Variants in STK39 observed in about 807,000 individuals in gnomAD.
STK39 encodes STE20/SPS1-related proline-alanine-rich protein kinase.
Under a neutral mutation model 77.8 loss-of-function variants are expected in STK39, and 20 were observed. That is an observed-to-expected ratio of 0.26 (90% CI 0.18 to 0.37). The LOEUF is 0.37. Among genes scored for constraint, STK39 ranks in the 10% least tolerant of loss-of-function variants. The pLI, the probability that STK39 is intolerant of heterozygous loss-of-function variation, is 1.00. For synonymous variants in STK39, 246 were observed against 234.1 expected (o/e 1.05, Z -0.47); for missense variants, 479 against 656.5 (o/e 0.73, Z 2.95).
rs1344981491 is a variant in STK39 at position 168,247,570 on chromosome 2, C to T, written c.-135G>A. 7 of 718,502 alleles carry T rather than the reference C, an allele frequency of 9.7e-6. No homozygotes were observed. Among genetic ancestry groups the T allele is most frequent in the South Asian group, 4.4e-5 (1 of 22,872 alleles). 44.5% of individuals were successfully genotyped at this position (718,502 alleles called of 1,614,324 possible). On this transcript the variant is annotated 5_prime_UTR_variant, in exon 1 of 18. Coordinates refer to ENST00000355999, the MANE Select transcript of STK39 (RefSeq NM_013233.3). The stretch of plus-strand genomic sequence containing the variant: ...CCGCCGCCGCCGCCGCCGTCCCCGC[C>T]GAAGCCAGCTAGGAGGGGAGGGAGC...
At chr2:168,105,314 G>C (rs1686941199) in intron 10 of STK39, among the ~76,000 whole-genome samples, 1 of 152,146 alleles carries the variant, frequency 6.6e-6, no homozygotes, top group Non-Finnish European at 1.5e-5. Context: ...GGGAACAAAA[G>C]GCCTGCGCTC....
chr2:168,142,235 A>AT (rs1688001466), intron 5 of STK39, among the ~76,000 whole-genome samples: 1 of 152,234 alleles, frequency 6.6e-6, no homozygotes, highest in Non-Finnish European at 1.5e-5. Context: ...CTCTTAGAGA[A>AT]GAGTTAGGTG....
chr2:168,152,242 C>A (rs1284153712), intron 5 of STK39, among the ~76,000 whole-genome samples: 1 of 152,162 alleles, frequency 6.6e-6, no homozygotes, highest in Non-Finnish European at 1.5e-5. Flanking sequence ...TCCCTGGATC[C>A]CCAATGTGGG....
intron 10 of STK39, among the ~76,000 whole-genome samples, chr2:168,095,407 C>T (rs1686635884): frequency 6.6e-6 from 1 of 152,108 alleles, no homozygotes; most frequent in African/African-American, 2.4e-5. Flanking sequence ...TTCTACCCAA[C>T]ACTCACTAAG....
chr2:168,168,897 C>A (rs1178816813), intron 2 of STK39, among the ~76,000 whole-genome samples: 1 of 152,100 alleles, frequency 6.6e-6, no homozygotes, highest in Admixed American at 6.6e-5. Flanking sequence ...GAACGAGAAT[C>A]ACTCAAACCC....
intron 10 of STK39, among the ~76,000 whole-genome samples, chr2:168,095,537 G>A (rs1686639483): frequency 4.6e-5 from 7 of 151,230 alleles, no homozygotes; most frequent in Admixed American, 4.6e-4. Context: ...GGCATTGAAG[G>A]GGAAAAAAAG....
At chr2:168,221,744 G>A (rs749850749) in intron 1 of STK39, among the ~76,000 whole-genome samples, 1 of 152,208 alleles carries the variant, frequency 6.6e-6, no homozygotes, top group South Asian at 2.1e-4. Flanking sequence ...AGGTCAGACC[G>A]TAAAGGGCAC....
intron 8 of STK39, among the ~76,000 whole-genome samples, chr2:168,135,625 C>T (rs969809943): frequency 1.3e-5 from 2 of 152,214 alleles, no homozygotes; most frequent in African/African-American, 4.8e-5. Context: ...TCAATGTTTA[C>T]TTATCAAATT....
intron 12 of STK39, among the ~76,000 whole-genome samples, chr2:168,072,833 A>G (rs1254887018): frequency 2.0e-5 from 3 of 152,342 alleles, no homozygotes; most frequent in South Asian, 4.1e-4. Context: ...CTCTTAATAC[A>G]GCTCAAGATA....
intron 1 of STK39, among the ~76,000 whole-genome samples, chr2:168,221,264 C>G (rs1369679902): frequency 6.6e-6 from 1 of 152,122 alleles, no homozygotes; most frequent in Non-Finnish European, 1.5e-5. Context: ...TATTTCTCTT[C>G]CTTGTTGAAA....
intron 10 of STK39, among the ~76,000 whole-genome samples, chr2:168,080,764 C>A (rs1686209457): frequency 6.6e-6 from 1 of 152,212 alleles, no homozygotes; most frequent in South Asian, 2.1e-4. Context: ...GGGCTGGGCC[C>A]AGGGTCCCTC....
chr2:168,140,203 A>T, intron 7 of STK39, 86 bp downstream of exon 7: 1 of 1,147,690 alleles, frequency 8.7e-7, no homozygotes, highest in Non-Finnish European at 1.3e-6. Flanking sequence ...GGTCTAAGAG[A>T]AGAATGAAGA....
chr2:168,081,737 G>T (rs764668219), intron 10 of STK39, among the ~76,000 whole-genome samples: 1 of 152,188 alleles, frequency 6.6e-6, no homozygotes, highest in Non-Finnish European at 1.5e-5. Context: ...ACATGTCACA[G>T]GAGGAACCCG....
In STK39 at chr2:167,999,191, C is replaced by T. The variant is rs140431199; in HGVS notation, c.1498+13443G>A. Among the ~76,000 whole-genome samples, 738 of 152,310 alleles carry T rather than the reference C, an allele frequency of 4.8e-3. 3 individuals carry two copies. The highest frequency in any genetic ancestry group is 9.6e-3 in the African/African-American group (399 of 41,578). On this transcript the variant is annotated intron_variant, in intron 16 of 17. Coordinates refer to ENST00000355999, the MANE Select transcript of STK39 (RefSeq NM_013233.3). The stretch of plus-strand genomic sequence containing the variant: ...CATTATTTCTACACATGCCTATCTA[C>T]GACTTCACTCAAATGTCTCCCTCAG...
chr2:168,093,157 G>C (rs1235013224), intron 10 of STK39, among the ~76,000 whole-genome samples: 2 of 152,218 alleles, frequency 1.3e-5, no homozygotes, highest in East Asian at 3.8e-4. Flanking sequence ...CAGGGAGTCA[G>C]TCTGAGCTTT....
intron 1 of STK39, among the ~76,000 whole-genome samples, chr2:168,246,229 G>GA (rs1428877458): frequency 6.6e-6 from 1 of 152,152 alleles, no homozygotes; most frequent in African/African-American, 2.4e-5. Flanking sequence ...ACTTAACCTG[G>GA]AGGCTTCCCT....
intron 1 of STK39, among the ~76,000 whole-genome samples, chr2:168,200,845 T>C (rs900943424): frequency 1.8e-4 from 28 of 152,388 alleles, no homozygotes; most frequent in African/African-American, 6.5e-4. Context: ...TTTATTTTTA[T>C]GAAATCCACA....
chr2:168,208,408 T>C (rs1689795870), intron 1 of STK39, among the ~76,000 whole-genome samples: 2 of 152,196 alleles, frequency 1.3e-5, no homozygotes, highest in Admixed American at 1.3e-4. Context: ...TTTCTGACAG[T>C]GGCTACGACT....
intron 16 of STK39, among the ~76,000 whole-genome samples, chr2:167,998,381 C>T (rs1013082975): frequency 2.6e-5 from 4 of 152,178 alleles, no homozygotes; most frequent in Non-Finnish European, 2.9e-5. Context: ...CTTGAAATGG[C>T]AGGTTTGCTT....
Sources: allele counts gnomAD v4.1 joint callset (sites outside exome capture counted in the v4.1 genomes callset), GRCh38; gene constraint gnomAD v4.1.1; transcripts MANE v1.5; gene names NCBI Gene and HGNC (gene_info 2026-07-23, HGNC 2026-07-21).